The following SPATA9 variants were observed in gnomAD, a reference collection of about 807,000 sequenced individuals.
The protein encoded by SPATA9 is spermatogenesis-associated protein 9.
In SPATA9, 27 loss-of-function variants were observed where a neutral mutation model predicts 25.5. The observed-to-expected ratio is 1.06, with a 90% CI of 0.78 to 1.46. The LOEUF is 1.46. SPATA9 is among the 40% of genes most tolerant of loss of function. The pLI is 0.00. For synonymous variants in SPATA9, 102 were observed against 105.7 expected, an observed-to-expected ratio of 0.97 and a Z score of 0.21; for missense variants, 282 against 297.5, an observed-to-expected ratio of 0.95 and a Z score of 0.38.
At chr5:95,670,755 T>A (rs1752298183) in intron 3 of SPATA9, 1 of 748,352 alleles carries the variant, frequency 1.3e-6, no homozygotes, top group Admixed American at 6.2e-5. Context: ...CTCAGCACAC[T>A]CTGGTACCAT....
the SPATA9 span, chr5:95,731,063 A>G: frequency 9.2e-7 from 1 of 1,088,728 alleles, no homozygotes; most frequent in East Asian, 7.5e-5. Flanking sequence ...TTGCGAGTTG[A>G]ACAAACTTGC....
chr5:95,707,150 T>C, the SPATA9 span, among the ~76,000 whole-genome samples: 14 of 152,310 alleles, frequency 9.2e-5, no homozygotes, highest in East Asian at 2.3e-3. Flanking sequence ...TGAAAGCTTA[T>C]TTTCAGACAG....
chr5:95,652,268 C>T (rs1417215518), downstream of SPATA9: 1 of 1,549,946 alleles, frequency 6.5e-7, no homozygotes, highest in Non-Finnish European at 8.7e-7. Flanking sequence ...CACCTGACCT[C>T]TAAATGTTGA....
At chr5:95,708,832 C>T in the SPATA9 span, 20 of 549,436 alleles carry the variant, frequency 3.6e-5, no homozygotes, top group South Asian at 4.3e-5. Context: ...GACGAATACA[C>T]GTCCTGTTGT....
At chr5:95,691,432 T>C (rs1038693754) in intron 1 of SPATA9, among the ~76,000 whole-genome samples, 1 of 152,158 alleles carries the variant, frequency 6.6e-6, no homozygotes, top group African/African-American at 2.4e-5. Context: ...ATTTCTAGGA[T>C]TTCTATGCTG....
chr5:95,671,814 G>A (rs955473943), intron 3 of SPATA9, among the ~76,000 whole-genome samples: 2 of 151,792 alleles, frequency 1.3e-5, no homozygotes, highest in African/African-American at 4.8e-5. Context: ...AAAACATCTG[G>A]TTCCATACAC....
At chr5:95,731,053 T>C in the SPATA9 span, 3 of 1,058,564 alleles carry the variant, frequency 2.8e-6, no homozygotes. Context: ...GGTTACGGCC[T>C]TGCGAGTTGA....
chr5:95,726,959 T>C, the SPATA9 span, among the ~76,000 whole-genome samples: 4 of 150,864 alleles, frequency 2.7e-5, no homozygotes, highest in South Asian at 8.4e-4. Flanking sequence ...TAATTTCGTT[T>C]CCCCCCTTTT....
chr5:95,688,289 G>T (rs1225634702), intron 1 of SPATA9, among the ~76,000 whole-genome samples: 1 of 152,176 alleles, frequency 6.6e-6, no homozygotes, highest in Non-Finnish European at 1.5e-5. Context: ...CTCACAAAGT[G>T]CAAGAGGTGC....
chr5:95,731,259 G>C, the SPATA9 span: 6 of 1,007,294 alleles, frequency 6.0e-6, no homozygotes, highest in Non-Finnish European at 7.1e-6. Flanking sequence ...GCTGCGCCCG[G>C]TCCGCTGAGG....
chr5:95,661,884 T>C (rs1420156896), intron 4 of SPATA9, among the ~76,000 whole-genome samples: 1 of 151,986 alleles, frequency 6.6e-6, no homozygotes, highest in Non-Finnish European at 1.5e-5. Flanking sequence ...GGACTTCTTG[T>C]ATGTTTTGAT....
downstream of SPATA9, chr5:95,652,391 G>A (rs951340510): frequency 6.5e-6 from 10 of 1,534,500 alleles, no homozygotes; most frequent in East Asian, 2.5e-5. Flanking sequence ...AGAAATTCTC[G>A]ACTTTAGTCT....
intron 1 of SPATA9, among the ~76,000 whole-genome samples, chr5:95,695,443 CAA>C (rs3072745): frequency 0.57 from 86,143 of 151,632 alleles, 24,626 homozygotes; most frequent in East Asian, 0.8. Flanking sequence ...ACTACAAATA[CAA>C]AAGTTAGCTG....
intron 1 of SPATA9, among the ~76,000 whole-genome samples, chr5:95,697,865 A>G (rs153912): frequency 0.39 from 58,840 of 151,668 alleles, 11,632 homozygotes; most frequent in Non-Finnish European, 0.43. Flanking sequence ...AGTGAAAATG[A>G]CATTCCATGA....
chr5:95,685,424 G>T (rs895114189), upstream of SPATA9, among the ~76,000 whole-genome samples: 2 of 152,080 alleles, frequency 1.3e-5, no homozygotes, highest in African/African-American at 4.8e-5. Flanking sequence ...AAACCTATCT[G>T]CCATGTGAGA....
chr5:95,711,972 C>T, the SPATA9 span, among the ~76,000 whole-genome samples: 1 of 152,122 alleles, frequency 6.6e-6, no homozygotes, highest in African/African-American at 2.4e-5. Flanking sequence ...ACAGAGTGTC[C>T]GGAGCTTGCC....
the SPATA9 span, among the ~76,000 whole-genome samples, chr5:95,720,294 G>C: frequency 6.6e-6 from 1 of 151,514 alleles, no homozygotes; most frequent in Non-Finnish European, 1.5e-5. Context: ...GACATTTCTA[G>C]CTCAGTTGTT....
the SPATA9 span, among the ~76,000 whole-genome samples, chr5:95,704,883 A>G: frequency 6.6e-6 from 1 of 151,998 alleles, no homozygotes; most frequent in Admixed American, 6.6e-5. Context: ...GAGGGTCAAG[A>G]GAGTGTACCC....
intron 4 of SPATA9, among the ~76,000 whole-genome samples, chr5:95,663,031 A>G (rs568655517): frequency 2.6e-5 from 4 of 152,344 alleles, no homozygotes; most frequent in African/African-American, 9.6e-5. Context: ...CAGCACATGC[A>G]TACCTTATGG....
Sources: allele counts gnomAD v4.1 joint callset (sites outside exome capture counted in the v4.1 genomes callset), GRCh38; gene constraint gnomAD v4.1.1; transcripts MANE v1.5; gene names NCBI Gene and HGNC (gene_info 2026-07-23, HGNC 2026-07-21).